The following UVRAG variants were observed in gnomAD, a reference collection of about 807,000 sequenced individuals.
UVRAG encodes UV radiation resistance-associated gene protein.
UVRAG carries 19 observed loss-of-function variants against 78.0 expected under a neutral mutation model. That is an observed-to-expected ratio of 0.24 (90% CI 0.17 to 0.36). The LOEUF (loss-of-function observed/expected upper bound fraction) is 0.36, where lower values mean the gene tolerates loss of function less well. Among genes scored for constraint, UVRAG ranks in the 10% least tolerant of loss-of-function variants. The pLI is 1.00. For missense variants in UVRAG, 740 were observed against 853.8 expected, an observed-to-expected ratio of 0.87 and a Z score of 1.66; for synonymous variants, 323 against 324.6, an observed-to-expected ratio of 1.00 and a Z score of 0.05.
intron 5 of UVRAG, among the ~76,000 whole-genome samples, chr11:75,895,474 G>A (rs1410995158): frequency 6.6e-6 from 1 of 152,066 alleles, no homozygotes; most frequent in Admixed American, 6.5e-5. Context: ...GAGTGTGTTG[G>A]ACACTACCTA....
intron 11 of UVRAG, among the ~76,000 whole-genome samples, chr11:76,009,574 G>A (rs541855235): frequency 7.9e-5 from 12 of 152,226 alleles, no homozygotes; most frequent in East Asian, 7.7e-4. Flanking sequence ...CCAAGCCAGC[G>A]TTTTATCTAC....
intron 1 of UVRAG, among the ~76,000 whole-genome samples, chr11:75,828,574 G>C (rs1036035778): frequency 2.0e-5 from 3 of 151,118 alleles, no homozygotes; most frequent in African/African-American, 7.3e-5. Context: ...ACCTCCCTGG[G>C]CTTAGGTGAT....
chr11:76,109,901 GACC>G (rs1952041419), intron 13 of UVRAG, among the ~76,000 whole-genome samples: 1 of 152,178 alleles, frequency 6.6e-6, no homozygotes, highest in African/African-American at 2.4e-5. Flanking sequence ...CAGGTCCCCT[GACC>G]ACTCACATCA....
intron 6 of UVRAG, among the ~76,000 whole-genome samples, chr11:75,960,225 T>C (rs1309458106): frequency 6.6e-6 from 1 of 152,100 alleles, no homozygotes; most frequent in African/African-American, 2.4e-5. Context: ...TGTTTCTTTT[T>C]TTTAAATATC....
chr11:75,948,363 A>T (rs964009614), intron 6 of UVRAG, among the ~76,000 whole-genome samples: 1 of 152,190 alleles, frequency 6.6e-6, no homozygotes, highest in African/African-American at 2.4e-5. Context: ...ATTAACGCAG[A>T]ACCAGGGTGC....
chr11:75,817,968 G>A (rs1484336785), intron 1 of UVRAG, among the ~76,000 whole-genome samples: 1 of 151,750 alleles, frequency 6.6e-6, no homozygotes, highest in African/African-American at 2.4e-5. Context: ...GCTGAGGCAA[G>A]AGAATTGCTT....
chr11:75,976,232 G>A (rs1949235740), intron 7 of UVRAG, among the ~76,000 whole-genome samples: 1 of 152,148 alleles, frequency 6.6e-6, no homozygotes, highest in Non-Finnish European at 1.5e-5. Context: ...TGATCATGGT[G>A]GATAAGCTCT....
chr11:76,011,613 G>C (rs1460435647), intron 11 of UVRAG, among the ~76,000 whole-genome samples: 3 of 152,196 alleles, frequency 2.0e-5, no homozygotes, highest in African/African-American at 7.2e-5. Flanking sequence ...GACAGAGTGA[G>C]ACTCTGTCTA....
At chr11:75,842,707 C>T (rs991939541) in intron 1 of UVRAG, among the ~76,000 whole-genome samples, 5 of 152,078 alleles carry the variant, frequency 3.3e-5, no homozygotes, top group Admixed American at 1.3e-4. Context: ...CCCAAAGTGC[C>T]GGGATTACCG....
At chr11:76,138,839 T>C (rs1952646767) in intron 14 of UVRAG, among the ~76,000 whole-genome samples, 1 of 152,212 alleles carries the variant, frequency 6.6e-6, no homozygotes. Context: ...GATGTTCTCT[T>C]TTGGTTTGAG....
chr11:75,894,507 T>G (rs896608561), intron 5 of UVRAG, among the ~76,000 whole-genome samples: 1 of 152,058 alleles, frequency 6.6e-6, no homozygotes, highest in Admixed American at 6.5e-5. Context: ...CTTTAGAATT[T>G]GCTAGAAAAA....
At chr11:76,101,554 ATT>A (rs1261323712) in intron 13 of UVRAG, among the ~76,000 whole-genome samples, 1 of 151,686 alleles carries the variant, frequency 6.6e-6, no homozygotes, top group East Asian at 1.9e-4. Flanking sequence ...TTGACAGTTT[ATT>A]TTGCTGTGCA....
At chr11:75,986,729 A>G (rs1949508379) in intron 8 of UVRAG, among the ~76,000 whole-genome samples, 1 of 152,086 alleles carries the variant, frequency 6.6e-6, no homozygotes, top group South Asian at 2.1e-4. Flanking sequence ...GTCCTACCTA[A>G]AAGAAAACTC....
chr11:76,068,774 T>G (rs1282856459), intron 13 of UVRAG, among the ~76,000 whole-genome samples: 2 of 152,252 alleles, frequency 1.3e-5, no homozygotes, highest in Non-Finnish European at 2.9e-5. Flanking sequence ...TTATGGCTCC[T>G]AAGCGAGCAT....
chr11:75,850,022 G>T (rs919209159), intron 1 of UVRAG, among the ~76,000 whole-genome samples: 3 of 151,836 alleles, frequency 2.0e-5, no homozygotes, highest in Non-Finnish European at 4.4e-5. Context: ...TGGCCACTTG[G>T]TGTTCACACC....
intron 5 of UVRAG, among the ~76,000 whole-genome samples, chr11:75,901,643 G>C (rs1947502471): frequency 6.6e-6 from 1 of 152,138 alleles, no homozygotes; most frequent in Non-Finnish European, 1.5e-5. Context: ...CATCACTACT[G>C]ATGGTGGCTG....
intron 8 of UVRAG, among the ~76,000 whole-genome samples, chr11:76,000,616 TAA>T (rs111698746): frequency 6.8e-6 from 1 of 146,798 alleles, no homozygotes; most frequent in African/African-American, 2.5e-5. Context: ...CCCTGTTTCT[TAA>T]AAAAAAAAGG....
At chr11:76,004,910 A>G (rs905037074) in intron 9 of UVRAG, among the ~76,000 whole-genome samples, 3 of 152,232 alleles carry the variant, frequency 2.0e-5, no homozygotes, top group East Asian at 1.9e-4. Flanking sequence ...ACAAATGCCA[A>G]TAGTTTTTCT....
At chr11:75,980,253 C>T (rs899710682) in intron 7 of UVRAG, 10 of 152,842 alleles carry the variant, frequency 6.5e-5, no homozygotes, top group African/African-American at 2.4e-4. Flanking sequence ...CCTTGAACTC[C>T]TGATCTCAAG....
Sources: gnomAD v4.1 joint callset for allele counts (sites outside exome capture counted in the v4.1 genomes callset) on GRCh38, gnomAD v4.1.1 for gene constraint, MANE v1.5 for transcripts, NCBI Gene and HGNC (gene_info 2026-07-23, HGNC 2026-07-21) for gene names.